SAMD5: variants seen among roughly 807,000 people sequenced by gnomAD.
The protein encoded by SAMD5 is sterile alpha motif domain containing 5.
A neutral mutation model predicts 11.3 loss-of-function variants in SAMD5; 13 were observed. The ratio of observed to expected loss-of-function variants is 1.15; its 90% CI spans 0.75 to 1.83. The LOEUF is 1.83. Ranked by LOEUF, SAMD5 falls within the 40% of genes most tolerant of loss-of-function variation. The probability of loss-of-function intolerance (pLI) is 0.00; values close to 1 mark genes in which losing one functional copy is unlikely to be tolerated. For missense variants in SAMD5, 255 were observed against 239.1 expected, an observed-to-expected ratio of 1.07 and a Z score of -0.44; for synonymous variants, 129 against 111.3, an observed-to-expected ratio of 1.16 and a Z score of -1.00.
intron 1 of SAMD5, among the ~76,000 whole-genome samples, chr6:147,699,817 A>G (rs1040875236): frequency 6.6e-6 from 1 of 152,228 alleles, no homozygotes; most frequent in African/African-American, 2.4e-5. Flanking sequence ...TCAGGGTACT[A>G]TGAAGCTGCT....
the SAMD5 span, among the ~76,000 whole-genome samples, chr6:147,893,203 G>GAA: frequency 4.1e-4 from 53 of 130,636 alleles, no homozygotes; most frequent in Non-Finnish European, 6.2e-4. Flanking sequence ...ACTCTGTCTA[G>GAA]AAAAAAAAAA....
At chr6:147,927,336 C>T in the SAMD5 span, among the ~76,000 whole-genome samples, 2 of 152,078 alleles carry the variant, frequency 1.3e-5, no homozygotes, top group Non-Finnish European at 2.9e-5. Context: ...GTTCTGATTT[C>T]TTTGAGCAGT....
rs143681051 is a variant in SAMD5 at position 147,705,737 on chromosome 6, C to T, written c.163-31580C>T. Among the ~76,000 whole-genome samples, 305 of 152,286 alleles carry T rather than the reference C, an allele frequency of 2.0e-3. 1 individual carries two copies. The highest frequency in any genetic ancestry group is 6.9e-3 in the African/African-American group (288 of 41,570). On this transcript the variant is annotated intron_variant, in intron 1 of 1. Transcript: ENST00000566741. ...TTTTGTTGAATTGCCTAGGTTTTGA[C>T]ATAGAGTAACCCAGCTGTCCAGCTA... is the stretch of plus-strand genomic sequence containing the variant.
In SAMD5 at chr6:147,564,843, AAGT is replaced by A. The variant is rs1365286470; in HGVS notation, c.*392_*394del. ...AACAAAAAGGTAGATTTCTGACAGT[AAGT>A]AGTAATTATATTATTTCCAAATTTG... On this transcript the variant is annotated 3_prime_UTR_variant, in exon 2 of 2. Transcript: ENST00000367474. 1.0e-6 allele frequency: 1 copy of A among 957,544 alleles called. No individual in the cohort carries two copies. Among genetic ancestry groups the A allele is most frequent in the Non-Finnish European group, 1.2e-6 (1 of 803,152 alleles). The allele number at this position is 957,544 out of a possible 1,614,324, so 59.3% of individuals were successfully genotyped here.
intron 1 of SAMD5, among the ~76,000 whole-genome samples, chr6:147,734,126 A>C (rs968328057): frequency 1.3e-5 from 2 of 152,246 alleles, no homozygotes; most frequent in Non-Finnish European, 2.9e-5. Context: ...GCATCATGAT[A>C]GCTTATTTAT....
At chr6:147,709,325 A>C (rs1383731280) in intron 1 of SAMD5, among the ~76,000 whole-genome samples, 1 of 152,212 alleles carries the variant, frequency 6.6e-6, no homozygotes. Flanking sequence ...AGCTACTTTG[A>C]TGCAACATGT....
At chr6:147,539,676 T>C (rs1389310944) in intron 1 of SAMD5, among the ~76,000 whole-genome samples, 1 of 151,088 alleles carries the variant, frequency 6.6e-6, no homozygotes, top group Non-Finnish European at 1.5e-5. Context: ...TAGGACCTCT[T>C]ACATGTGTGT....
the SAMD5 span, among the ~76,000 whole-genome samples, chr6:147,911,537 A>G: frequency 3.5e-3 from 539 of 152,310 alleles, 3 homozygotes; most frequent in African/African-American, 0.013. Flanking sequence ...CTGTGGGGCA[A>G]AATATGTTAG....
chr6:147,660,372 C>G (rs1304374806), intron 1 of SAMD5, among the ~76,000 whole-genome samples: 1 of 152,166 alleles, frequency 6.6e-6, no homozygotes, highest in East Asian at 1.9e-4. Flanking sequence ...ACGTGCAGAA[C>G]CCCTTCCTTT....
At chr6:147,650,489 G>A (rs1790468448) in intron 1 of SAMD5, among the ~76,000 whole-genome samples, 1 of 152,228 alleles carries the variant, frequency 6.6e-6, no homozygotes, top group Non-Finnish European at 1.5e-5. Flanking sequence ...TGAAGACGAG[G>A]CTGAACATGA....
intron 1 of SAMD5, among the ~76,000 whole-genome samples, chr6:147,645,834 T>C (rs1790388284): frequency 6.6e-6 from 1 of 152,152 alleles, no homozygotes; most frequent in Non-Finnish European, 1.5e-5. Flanking sequence ...CACAATAAAT[T>C]AACACTCCAG....
intron 1 of SAMD5, among the ~76,000 whole-genome samples, chr6:147,556,237 C>T (rs139321257): frequency 0.014 from 2,132 of 152,022 alleles, 11 homozygotes; most frequent in Non-Finnish European, 0.019. Flanking sequence ...GGACTACAGG[C>T]GCCTGCCACC....
At chr6:147,928,576 G>T in the SAMD5 span, among the ~76,000 whole-genome samples, 1 of 151,860 alleles carries the variant, frequency 6.6e-6, no homozygotes, top group Admixed American at 6.6e-5. Flanking sequence ...TATTAGTCTA[G>T]CTGGTGGCCT....
chr6:147,640,518 A>AAAAAAAAAAAAAAAAC, intron 1 of SAMD5, among the ~76,000 whole-genome samples: 2 of 150,656 alleles, frequency 1.3e-5, no homozygotes, highest in Non-Finnish European at 3.0e-5. Flanking sequence ...AAAAAAAAAA[A>AAAAAAAAAAAAAAAAC]AAAAGAATAA....
chr6:147,612,830 G>C (rs769132160), intron 1 of SAMD5, among the ~76,000 whole-genome samples: 2 of 152,132 alleles, frequency 1.3e-5, no homozygotes, highest in Non-Finnish European at 2.9e-5. Context: ...CTGTAGGTCT[G>C]AGCAGTGACA....
At chr6:147,807,064 A>T in the SAMD5 span, among the ~76,000 whole-genome samples, 4 of 152,028 alleles carry the variant, frequency 2.6e-5, no homozygotes, top group Admixed American at 1.3e-4. Context: ...GAACTGTAAG[A>T]AATAAATTTC....
chr6:147,946,566 A>G, the SAMD5 span, among the ~76,000 whole-genome samples: 4 of 152,204 alleles, frequency 2.6e-5, no homozygotes, highest in Non-Finnish European at 5.9e-5. Context: ...AGACTTAAGT[A>G]AAAGAACAGA....
Position 147,509,111 on chromosome 6 carries a change from G to A in SAMD5, c.183G>A (p.Arg61=). Residue 61 remains arginine, a synonymous_variant, in exon 1 of 2, where the codon CGG becomes CGA. Coordinates refer to ENST00000367474, the MANE Select transcript of SAMD5 (RefSeq NM_001030060.3). ...HRRRILEAVR[R]LREQDANAAG... ...GCCGTATCCTGGAGGCCGTGCGCCG[G>A]CTGCGGGAGCAGGACGCCAACGCCG... The A allele has an allele frequency of 1.9e-6, 3 of 1,583,152 alleles. No individual in the cohort carries two copies. Among genetic ancestry groups the A allele is most frequent in the Non-Finnish European group, 2.6e-6 (3 of 1,166,728 alleles).
chr6:147,787,991 A>C, the SAMD5 span, among the ~76,000 whole-genome samples: 1 of 152,310 alleles, frequency 6.6e-6, no homozygotes, highest in South Asian at 2.1e-4. Context: ...TATTCGGTGA[A>C]TGGTTAATAA....
Sources: gnomAD v4.1 joint callset for allele counts (sites outside exome capture counted in the v4.1 genomes callset) on GRCh38, gnomAD v4.1.1 for gene constraint, MANE v1.5 for transcripts, NCBI Gene and HGNC (gene_info 2026-07-23, HGNC 2026-07-21) for gene names.